The following IGSF11 variants were observed in gnomAD, a reference collection of about 807,000 sequenced individuals.
IGSF11 encodes CXADR like 1.
In IGSF11, 22 loss-of-function variants were observed where a neutral mutation model predicts 41.0. The ratio of observed to expected loss-of-function variants is 0.54; its 90% CI spans 0.38 to 0.77. The LOEUF is 0.77. Ranked by LOEUF, IGSF11 falls within the 30% of genes least tolerant of loss-of-function variation. The pLI is 0.00. For missense variants in IGSF11, 444 were observed against 530.8 expected (o/e 0.84, Z 1.61); for synonymous variants, 219 against 201.3 (o/e 1.09, Z -0.74).
intron 1 of IGSF11, among the ~76,000 whole-genome samples, chr3:119,130,087 G>A (rs2077458409): frequency 6.6e-6 from 1 of 152,130 alleles, no homozygotes. Flanking sequence ...TCTGGTTTCT[G>A]TTCCAAGATG....
chr3:118,902,055 C>T lies in IGSF11; in HGVS notation c.*465G>A, dbSNP rs1159871583. On this transcript the variant is annotated 3_prime_UTR_variant, in exon 7 of 7. Transcript: ENST00000393775. ...AATATTAACCATTTATACCATTAAGCCCTCTATATAACGAGGGAATTGGGA... is the reference window on the plus strand; with the variant it reads ...AATATTAACCATTTATACCATTAAGTCCTCTATATAACGAGGGAATTGGGA... The T allele has an allele frequency of 6.3e-6, 1 of 159,286 alleles. No homozygotes were observed. The highest frequency in any genetic ancestry group is 1.4e-5 in the Non-Finnish European group (1 of 71,958). The allele number at this position is 159,286 out of a possible 1,614,324, so 9.9% of individuals were successfully genotyped here.
chr3:119,037,438 C>T (rs114595614), upstream of IGSF11, among the ~76,000 whole-genome samples: 1 of 152,030 alleles, frequency 6.6e-6, no homozygotes, highest in Non-Finnish European at 1.5e-5. Flanking sequence ...CCACCTCTGC[C>T]CCACCATGAT....
At chr3:119,118,495 C>T (rs903391881) in intron 1 of IGSF11, among the ~76,000 whole-genome samples, 6 of 152,228 alleles carry the variant, frequency 3.9e-5, no homozygotes, top group Non-Finnish European at 8.8e-5. Context: ...AGCACAGGAA[C>T]CTTGGGCTCA....
chr3:119,138,922 G>T (rs2077601164), intron 1 of IGSF11, among the ~76,000 whole-genome samples: 1 of 152,056 alleles, frequency 6.6e-6, no homozygotes, highest in South Asian at 2.1e-4. Context: ...GAGAACAAAA[G>T]CACAGAAGGA....
chr3:118,993,053 C>T (rs1935937325), intron 1 of IGSF11, among the ~76,000 whole-genome samples: 1 of 152,106 alleles, frequency 6.6e-6, no homozygotes, highest in Admixed American at 6.6e-5. Flanking sequence ...TAGCAAGACC[C>T]TGTCTCTACA....
intron 1 of IGSF11, among the ~76,000 whole-genome samples, chr3:119,123,252 G>A (rs761362386): frequency 6.6e-5 from 10 of 152,180 alleles, no homozygotes; most frequent in Non-Finnish European, 1.3e-4. Flanking sequence ...ACAGGGTCAG[G>A]TTCCTTTGCC....
intron 1 of IGSF11, among the ~76,000 whole-genome samples, chr3:118,938,650 G>T (rs994865914): frequency 2.0e-5 from 3 of 152,134 alleles, no homozygotes; most frequent in African/African-American, 7.2e-5. Flanking sequence ...AGTCACTATG[G>T]TTTATGACAT....
chr3:119,008,141 T>C (rs998582037), intron 1 of IGSF11, among the ~76,000 whole-genome samples: 11 of 152,152 alleles, frequency 7.2e-5, no homozygotes, highest in African/African-American at 2.2e-4. Flanking sequence ...TCCAGAAGAA[T>C]AGACTTTTCT....
At chr3:118,955,219 TACACAC>T (rs34044399) in intron 1 of IGSF11, among the ~76,000 whole-genome samples, 4,871 of 144,452 alleles carry the variant, frequency 0.034, 257 homozygotes, top group African/African-American at 0.11. Flanking sequence ...TATATGTACA[TACACAC>T]ACACACACAC....
At chr3:119,069,778 C>T (rs574305247) in intron 1 of IGSF11, among the ~76,000 whole-genome samples, 2 of 152,156 alleles carry the variant, frequency 1.3e-5, no homozygotes, top group Non-Finnish European at 2.9e-5. Context: ...CAGTTGCTCA[C>T]TGTTTCAGGA....
At chr3:118,955,194 T>C (rs928218007) in intron 1 of IGSF11, among the ~76,000 whole-genome samples, 3 of 150,932 alleles carry the variant, frequency 2.0e-5, no homozygotes, top group Non-Finnish European at 4.4e-5. Context: ...AAAGAAATTG[T>C]GGTATGTATG....
chr3:119,100,702 G>A (rs2076925417), intron 1 of IGSF11, among the ~76,000 whole-genome samples: 4 of 152,150 alleles, frequency 2.6e-5, no homozygotes, highest in Admixed American at 2.6e-4. Flanking sequence ...AAAATAAAAG[G>A]GCTGGACCAT....
At chr3:118,945,879 G>A (rs1050425304) in intron 1 of IGSF11, 14 of 152,178 alleles carry the variant, frequency 9.2e-5, no homozygotes, top group African/African-American at 3.4e-4. Flanking sequence ...TTAAAATGAT[G>A]AAAGTCATCA....
chr3:119,014,916 T>C (rs1576646651), intron 1 of IGSF11, among the ~76,000 whole-genome samples: 1 of 152,334 alleles, frequency 6.6e-6, no homozygotes, highest in East Asian at 1.9e-4. Context: ...AATCAGTAAA[T>C]ACCTATACAC....
intron 1 of IGSF11, among the ~76,000 whole-genome samples, chr3:119,072,088 CT>C (rs2107467737): frequency 6.6e-6 from 1 of 152,262 alleles, no homozygotes; most frequent in Non-Finnish European, 1.5e-5. Flanking sequence ...TGCCTAAAAA[CT>C]TTCAAATTTC....
chr3:118,958,302 T>C (rs917506530), intron 1 of IGSF11, among the ~76,000 whole-genome samples: 3 of 152,224 alleles, frequency 2.0e-5, no homozygotes, highest in African/African-American at 7.2e-5. Flanking sequence ...TTGACAAATG[T>C]TGGCAATAAA....
At chr3:118,973,753 A>G (rs1277132745) in intron 1 of IGSF11, among the ~76,000 whole-genome samples, 2 of 152,258 alleles carry the variant, frequency 1.3e-5, no homozygotes, top group Admixed American at 1.3e-4. Flanking sequence ...GGAGGTTTCC[A>G]AACAAGAGCA....
chr3:119,044,167 G>C (rs531405596), intron 1 of IGSF11, among the ~76,000 whole-genome samples: 1 of 152,146 alleles, frequency 6.6e-6, no homozygotes, highest in Admixed American at 6.5e-5. Context: ...AAACAACACA[G>C]GATATGGATG....
chr3:119,071,584 C>A (rs1442118207), intron 1 of IGSF11, among the ~76,000 whole-genome samples: 4 of 152,128 alleles, frequency 2.6e-5, no homozygotes, highest in Non-Finnish European at 5.9e-5. Context: ...AAAGACTATT[C>A]TTTTCCCATT....
Sources: allele counts gnomAD v4.1 joint callset (sites outside exome capture counted in the v4.1 genomes callset), GRCh38; gene constraint gnomAD v4.1.1; transcripts MANE v1.5; gene names NCBI Gene and HGNC (gene_info 2026-07-23, HGNC 2026-07-21).